ASIP: variants seen among roughly 807,000 people sequenced by gnomAD.
The protein encoded by ASIP is agouti-signaling protein.
A neutral mutation model predicts 10.3 loss-of-function variants in ASIP; 11 were observed. The observed-to-expected ratio is 1.07, with a 90% CI of 0.68 to 1.78. The LOEUF is 1.78. ASIP is among the 40% of genes most tolerant of loss of function. ASIP has a pLI of 0.00. For missense variants in ASIP, 180 were observed against 169.2 expected (o/e 1.06, Z -0.35); for synonymous variants, 70 against 70.8 (o/e 0.99, Z 0.06).
chr20:34,240,555 G>A (rs1294232428), upstream of ASIP, among the ~76,000 whole-genome samples: 2 of 152,014 alleles, frequency 1.3e-5, no homozygotes, highest in Non-Finnish European at 2.9e-5. Context: ...CAATATTCCT[G>A]CAAAAAAAGG....
chr20:34,269,229 G>A lies in ASIP; in HGVS notation c.*62G>A. The A allele has an allele frequency of 2.1e-6, 3 of 1,432,752 alleles. No individual in the cohort carries two copies. The highest frequency in any genetic ancestry group is 5.3e-5 in the East Asian group (2 of 37,834). The allele number at this position is 1,432,752 out of a possible 1,614,324, so 88.8% of individuals were successfully genotyped here. On this transcript the variant is annotated 3_prime_UTR_variant, in exon 4 of 4. Transcript: ENST00000374954. Reference sequence around the variant, plus strand: ...GGGGACGCGGGGCGCTTCTCGGGCGGGTGATCCCTAACAGGGCGGCTTCCC... The same window carrying A: ...GGGGACGCGGGGCGCTTCTCGGGCGAGTGATCCCTAACAGGGCGGCTTCCC...
chr20:34,202,407 T>C (rs1255045621), intron 1 of ASIP, among the ~76,000 whole-genome samples: 1 of 152,248 alleles, frequency 6.6e-6, no homozygotes, highest in Admixed American at 6.5e-5. Flanking sequence ...AAACAGTACA[T>C]ATGATGAAAT....
At chr20:34,252,564 T>G (rs1350297424) in intron 1 of ASIP, among the ~76,000 whole-genome samples, 1 of 152,172 alleles carries the variant, frequency 6.6e-6, no homozygotes, top group African/African-American at 2.4e-5. Context: ...TAGAATAAAA[T>G]GAATGGGAAT....
intron 1 of ASIP, among the ~76,000 whole-genome samples, chr20:34,204,298 G>T (rs762427044): frequency 6.6e-6 from 1 of 150,610 alleles, no homozygotes; most frequent in Non-Finnish European, 1.5e-5. Context: ...TTGGCTCGCC[G>T]CAACCTCCGC....
rs377285826 is a variant in ASIP at position 34,261,511 on chromosome 20, G to A, written c.160+977G>A. On this transcript the variant is annotated intron_variant, in intron 2 of 3. Transcript: ENST00000374954. ...TAACCAGGCATGGTAGCATGCGCCT[G>A]TAGTCCTAGCTACTTGGGAGGCTGA... 2.0e-5 allele frequency among the ~76,000 whole-genome samples: 3 copies of A among 152,212 alleles called. No homozygotes were observed. In the East Asian group the frequency reaches 5.8e-4, roughly 29 times the overall value.
intron 1 of ASIP, among the ~76,000 whole-genome samples, chr20:34,219,392 T>C (rs557825386): frequency 6.6e-6 from 1 of 152,332 alleles, no homozygotes; most frequent in African/African-American, 2.4e-5. Context: ...CCATTTTTAA[T>C]TTAATCTCCC....
At chr20:34,246,412 A>G in intron 1 of ASIP, 1 of 1,369,968 alleles carries the variant, frequency 7.3e-7, no homozygotes, top group Non-Finnish European at 1.0e-6. Flanking sequence ...GCATATATTC[A>G]CAGTACTCTG....
rs772655085 is a variant in ASIP, at chr20:34,258,674, CATATAT to C, written c.-10-1679_-10-1674del. Among the ~76,000 whole-genome samples, 3 of 12,146 alleles carry C rather than the reference CATATAT, an allele frequency of 2.5e-4. 1 individual carries two copies. The highest frequency in any genetic ancestry group is 3.8e-3 in the Admixed American group (2 of 520). 8.0% of individuals were successfully genotyped at this position (12,146 alleles called of 152,430 possible). A position where few individuals can be genotyped will look rare whatever the true frequency, so the allele number is the denominator to read the frequency against. On this transcript the variant is annotated intron_variant, in intron 1 of 3. Coordinates refer to ENST00000374954, the MANE Select transcript of ASIP (RefSeq NM_001672.3). The stretch of plus-strand genomic sequence containing the variant: ...AGTTAATATCTTAGAAGGGGGATGC[CATATAT>C]ATATATATATACATACTATATATAT...
At chr20:34,251,794 GCCC>G (rs1334798930) in intron 1 of ASIP, among the ~76,000 whole-genome samples, 1 of 152,168 alleles carries the variant, frequency 6.6e-6, no homozygotes, top group African/African-American at 2.4e-5. Flanking sequence ...TACAAAAGAG[GCCC>G]AAGGGAAAGC....
chr20:34,222,872 C>T (rs530295726), intron 1 of ASIP, among the ~76,000 whole-genome samples: 2 of 152,262 alleles, frequency 1.3e-5, no homozygotes, highest in African/African-American at 2.4e-5. Context: ...GCGAGTGATC[C>T]GCCAGCCTCG....
chr20:34,194,026 T>C (rs1197705415), upstream of ASIP, among the ~76,000 whole-genome samples: 3 of 152,068 alleles, frequency 2.0e-5, no homozygotes, highest in Non-Finnish European at 2.9e-5. Flanking sequence ...AAAACAGATA[T>C]CCCCAAGCTG....
intron 1 of ASIP, among the ~76,000 whole-genome samples, chr20:34,221,335 G>C (rs903930182): frequency 4.6e-5 from 7 of 151,766 alleles, no homozygotes; most frequent in African/African-American, 1.7e-4. Context: ...CCGAGATCGC[G>C]CCACTGCACT....
intron 3 of ASIP, among the ~76,000 whole-genome samples, chr20:34,265,577 G>A (rs1354694969): frequency 6.6e-6 from 1 of 152,036 alleles, no homozygotes; most frequent in Non-Finnish European, 1.5e-5. Context: ...CCTAACCCCT[G>A]CATTGTTCAA....
In ASIP at chr20:34,215,636, C is replaced by T. The variant is rs111336825; in HGVS notation, c.-11+20876C>T. 392 of 1,478,602 alleles carry T rather than the reference C, an allele frequency of 2.7e-4. 3 individuals carry two copies. In the African/African-American group the frequency reaches 4.9e-3, roughly 18 times the overall value. 91.6% of individuals were successfully genotyped at this position (1,478,602 alleles called of 1,614,324 possible). A position where few individuals can be genotyped will look rare whatever the true frequency, so the allele number is the denominator to read the frequency against. The stretch of plus-strand genomic sequence containing the variant: ...GGGATTCAGCATCTGAGCTTGCAGC[C>T]ATGATATGAGCGTCTCCCTAATTAG... On this transcript the variant is annotated intron_variant, in intron 1 of 3. Coordinates refer to the ASIP transcript ENST00000568305.
intron 1 of ASIP, among the ~76,000 whole-genome samples, chr20:34,202,944 G>A (rs2122539554): frequency 6.6e-6 from 1 of 151,166 alleles, no homozygotes; most frequent in Admixed American, 6.6e-5. Flanking sequence ...GAGTAGCTGG[G>A]ACCACAGGCG....
At chr20:34,255,494 C>T (rs906139021) in intron 1 of ASIP, among the ~76,000 whole-genome samples, 16 of 151,864 alleles carry the variant, frequency 1.1e-4, no homozygotes, top group African/African-American at 2.7e-4. Context: ...GGCAAGAGAC[C>T]GAGGGCACAA....
chr20:34,212,179 A>G (rs2034979036), intron 1 of ASIP, among the ~76,000 whole-genome samples: 1 of 152,228 alleles, frequency 6.6e-6, no homozygotes, highest in South Asian at 2.1e-4. Flanking sequence ...AAACTCACCT[A>G]ATAGATTACT....
At chr20:34,209,515 AC>A (rs879650359) in intron 1 of ASIP, among the ~76,000 whole-genome samples, 8 of 151,576 alleles carry the variant, frequency 5.3e-5, no homozygotes, top group Non-Finnish European at 1.0e-4. Flanking sequence ...GCCTGGGAAG[AC>A]CCCCCTGTAC....
rs2035131096 is a variant in ASIP at position 34,232,859 on chromosome 20, T to C, written c.-10-27506T>C. Among the ~76,000 whole-genome samples, 3 of 152,204 alleles carry C rather than the reference T, an allele frequency of 2.0e-5. No homozygotes were observed. The South Asian group carries it at 6.2e-4, about 32-fold the overall frequency. On this transcript the variant is annotated intron_variant, in intron 1 of 3. Transcript: ENST00000568305. ...TTGACAAACCCAGCAGCAGATGAGA[T>C]TGGCAGCCTGATGACAGTGTGCCTC...
Sources: gnomAD v4.1 joint callset for allele counts (sites outside exome capture counted in the v4.1 genomes callset) on GRCh38, gnomAD v4.1.1 for gene constraint, MANE v1.5 for transcripts, NCBI Gene and HGNC (gene_info 2026-07-23, HGNC 2026-07-21) for gene names.